The following PLCL1 variants were observed in gnomAD, a reference collection of about 807,000 sequenced individuals.
The protein encoded by PLCL1 is phospholipase C like 1 (inactive).
Under a neutral mutation model 84.4 loss-of-function variants are expected in PLCL1, and 41 were observed. That is an observed-to-expected ratio of 0.49 (90% CI 0.38 to 0.63). The LOEUF (loss-of-function observed/expected upper bound fraction) is 0.63, where lower values mean the gene tolerates loss of function less well. Among genes scored for constraint, PLCL1 ranks in the 30% least tolerant of loss-of-function variants. The pLI, the probability that PLCL1 is intolerant of heterozygous loss-of-function variation, is 0.00. For missense variants in PLCL1, 1,206 were observed against 1,367.8 expected (o/e 0.88, Z 1.87); for synonymous variants, 490 against 488.3 (o/e 1.00, Z -0.05).
intron 1 of PLCL1, among the ~76,000 whole-genome samples, chr2:198,009,893 A>G (rs1001241842): frequency 5.9e-5 from 9 of 151,898 alleles, no homozygotes; most frequent in African/African-American, 1.7e-4. Context: ...TAAGTCTTTT[A>G]TCTCCTGGGT....
At chr2:198,034,740 A>G (rs1691514884) in intron 1 of PLCL1, among the ~76,000 whole-genome samples, 3 of 152,116 alleles carry the variant, frequency 2.0e-5, no homozygotes, top group Admixed American at 1.3e-4. Context: ...ATCTCTAACA[A>G]AGGGCAAAAA....
chr2:198,004,307 A>G (rs1389019637), intron 1 of PLCL1, among the ~76,000 whole-genome samples: 3 of 152,290 alleles, frequency 2.0e-5, no homozygotes, highest in Non-Finnish European at 4.4e-5. Context: ...AGTTTAGTGG[A>G]TTAGTCATTC....
intron 1 of PLCL1, among the ~76,000 whole-genome samples, chr2:197,826,620 T>C (rs1690933943): frequency 2.0e-5 from 3 of 152,202 alleles, no homozygotes; most frequent in Non-Finnish European, 4.4e-5. Flanking sequence ...AATGACCGAT[T>C]CGTTCATTCA....
At position 198,101,374 on chromosome 2, in the gene PLCL1, ATTTTTTTTTCTGT is replaced by A. The variant is rs1693329887; in HGVS notation, c.2995+26_2995+38del. On this transcript the variant is annotated intron_variant, in intron 4 of 5. Coordinates refer to ENST00000428675, the MANE Select transcript of PLCL1 (RefSeq NM_006226.4). The stretch of plus-strand genomic sequence containing the variant: ...GTCAGAAAGCAGGTAATTGTTTTTA[ATTTTTTTTTCTGT>A]TTTTTTTTTCTATTTTGTTTGGAAA... The A allele has an allele frequency of 7.1e-7, 1 of 1,399,454 alleles. No individual in the cohort carries two copies. The highest frequency in any genetic ancestry group is 9.8e-7 in the Non-Finnish European group (1 of 1,021,606). The allele number at this position is 1,399,454 out of a possible 1,614,324, so 86.7% of individuals were successfully genotyped here.
intron 1 of PLCL1, among the ~76,000 whole-genome samples, chr2:197,816,120 G>A (rs182525973): frequency 6.6e-6 from 1 of 152,142 alleles, no homozygotes; most frequent in Non-Finnish European, 1.5e-5. Context: ...GTCAATAAAT[G>A]TGGCAAACTT....
intron 1 of PLCL1, among the ~76,000 whole-genome samples, chr2:197,826,731 G>A (rs700672): frequency 0.73 from 110,725 of 152,084 alleles, 41,399 homozygotes; most frequent in African/African-American, 0.9. Context: ...TATTAAAACT[G>A]TAAGCCCAAA....
At chr2:198,122,868 A>G (rs751840594) in intron 5 of PLCL1, among the ~76,000 whole-genome samples, 3 of 152,158 alleles carry the variant, frequency 2.0e-5, no homozygotes, top group Non-Finnish European at 4.4e-5. Context: ...AAATCAGTAA[A>G]TTCTAATAGC....
intron 1 of PLCL1, among the ~76,000 whole-genome samples, chr2:198,042,401 A>G (rs575927995): frequency 6.6e-6 from 1 of 152,222 alleles, no homozygotes; most frequent in Non-Finnish European, 1.5e-5. Flanking sequence ...TTAATCTGCA[A>G]TAGCACACCA....
At chr2:197,927,217 G>A (rs573225724) in intron 1 of PLCL1, among the ~76,000 whole-genome samples, 1 of 152,260 alleles carries the variant, frequency 6.6e-6, no homozygotes, top group East Asian at 1.9e-4. Context: ...TTGTCAGAGG[G>A]GTGTTAAAGA....
chr2:198,092,980 T>A (rs1693085620), intron 3 of PLCL1, among the ~76,000 whole-genome samples: 1 of 152,210 alleles, frequency 6.6e-6, no homozygotes, highest in Non-Finnish European at 1.5e-5. Context: ...TAACTGAACA[T>A]GTTTGATGAT....
At chr2:197,858,873 T>C (rs575933458) in intron 1 of PLCL1, among the ~76,000 whole-genome samples, 1 of 152,096 alleles carries the variant, frequency 6.6e-6, no homozygotes, top group Admixed American at 6.6e-5. Context: ...GAGTAGGTGA[T>C]CTAAGATGGC....
chr2:197,966,836 T>A (rs924040228), intron 1 of PLCL1, among the ~76,000 whole-genome samples: 1 of 148,506 alleles, frequency 6.7e-6, no homozygotes, highest in Non-Finnish European at 1.5e-5. Flanking sequence ...TCTGTCTCCA[T>A]CCATACTAAT....
intron 1 of PLCL1, among the ~76,000 whole-genome samples, chr2:197,925,389 G>A (rs1490148444): frequency 6.6e-6 from 1 of 152,128 alleles, no homozygotes; most frequent in Non-Finnish European, 1.5e-5. Flanking sequence ...TCAACATTCA[G>A]CTTCTGAGAA....
chr2:198,032,251 C>T (rs1208864047), intron 1 of PLCL1, among the ~76,000 whole-genome samples: 5 of 152,080 alleles, frequency 3.3e-5, no homozygotes, highest in East Asian at 1.9e-4. Context: ...AATATTTGGA[C>T]GTTTTCCTCT....
chr2:197,973,544 G>A (rs369554967), intron 1 of PLCL1, among the ~76,000 whole-genome samples: 2 of 152,202 alleles, frequency 1.3e-5, no homozygotes, highest in East Asian at 3.8e-4. Context: ...AATTAAAATT[G>A]AGACAGACTC....
intron 5 of PLCL1, among the ~76,000 whole-genome samples, chr2:198,124,604 T>G (rs1288407473): frequency 6.6e-6 from 1 of 151,848 alleles, no homozygotes; most frequent in Non-Finnish European, 1.5e-5. Context: ...ACTCAATTAA[T>G]TTTTTCATTC....
At chr2:197,865,470 C>T (rs547081969) in intron 1 of PLCL1, among the ~76,000 whole-genome samples, 26 of 152,182 alleles carry the variant, frequency 1.7e-4, no homozygotes, top group Admixed American at 1.5e-3. Context: ...CCTTAAGGAG[C>T]TCACATGCAA....
intron 1 of PLCL1, among the ~76,000 whole-genome samples, chr2:197,883,465 T>C (rs1412471992): frequency 6.6e-6 from 1 of 152,162 alleles, no homozygotes; most frequent in Non-Finnish European, 1.5e-5. Flanking sequence ...AATAAAGTAC[T>C]AGTTGGATAC....
chr2:197,896,597 T>C (rs776430761), intron 1 of PLCL1, among the ~76,000 whole-genome samples: 10 of 152,080 alleles, frequency 6.6e-5, no homozygotes, highest in Non-Finnish European at 1.5e-4. Flanking sequence ...ATGTGTAAAA[T>C]GTGAGAATGG....
Sources: allele counts gnomAD v4.1 joint callset (sites outside exome capture counted in the v4.1 genomes callset), GRCh38; gene constraint gnomAD v4.1.1; transcripts MANE v1.5; gene names NCBI Gene and HGNC (gene_info 2026-07-23, HGNC 2026-07-21).